JHY: variants seen among roughly 807,000 people sequenced by gnomAD.
JHY encodes the protein jhy protein homolog.
In JHY, 69 loss-of-function variants were observed where a neutral mutation model predicts 78.0. The ratio of observed to expected loss-of-function variants is 0.88; its 90% confidence interval spans 0.73 to 1.08. The LOEUF (loss-of-function observed/expected upper bound fraction) is 1.08, where lower values mean the gene tolerates loss of function less well. JHY is among the 50% of genes least tolerant of loss of function. The probability of loss-of-function intolerance (pLI) is 0.00; values close to 1 mark genes in which losing one functional copy is unlikely to be tolerated. For missense variants in JHY, 944 were observed against 927.8 expected (o/e 1.02, Z -0.23); for synonymous variants, 368 against 342.6 (o/e 1.07, Z -0.82).
chr11:122,884,254 T>C (rs1444264409), intron 1 of JHY, among the ~76,000 whole-genome samples: 3 of 152,184 alleles, frequency 2.0e-5, no homozygotes, highest in Non-Finnish European at 2.9e-5. Context: ...GGTGCTTTCC[T>C]CCAAGGATTT....
chr11:122,922,788 C>T (rs535628627), intron 3 of JHY, among the ~76,000 whole-genome samples: 239 of 119,064 alleles, frequency 2.0e-3, no homozygotes, highest in African/African-American at 6.8e-3. Flanking sequence ...CCAGCCTGGG[C>T]AACAGAGCGA....
At chr11:122,955,378 C>G (rs189142831) in intron 6 of JHY, among the ~76,000 whole-genome samples, 193 of 152,250 alleles carry the variant, frequency 1.3e-3, no homozygotes, top group African/African-American at 4.4e-3. Flanking sequence ...ACTTCAGCCC[C>G]CCAAAGTGCT....
At chr11:122,955,482 A>C (rs2135382891) in intron 6 of JHY, among the ~76,000 whole-genome samples, 1 of 152,308 alleles carries the variant, frequency 6.6e-6, no homozygotes, top group South Asian at 2.1e-4. Flanking sequence ...ATCAGGAGAC[A>C]GATAGGCAGT....
intron 6 of JHY, among the ~76,000 whole-genome samples, chr11:122,950,775 G>A (rs2135377911): frequency 6.6e-6 from 1 of 152,304 alleles, no homozygotes; most frequent in South Asian, 2.1e-4. Context: ...GTAGAGGAAA[G>A]TACTCCGACG....
intron 2 of JHY, among the ~76,000 whole-genome samples, chr11:122,894,238 C>T (rs545804113): frequency 2.6e-5 from 4 of 151,862 alleles, no homozygotes; most frequent in African/African-American, 9.7e-5. Context: ...ACCCAGGAGG[C>T]GGAAGTTGCA....
intron 5 of JHY, among the ~76,000 whole-genome samples, chr11:122,940,894 A>G (rs749783784): frequency 6.7e-6 from 1 of 149,424 alleles, no homozygotes; most frequent in Non-Finnish European, 1.5e-5. Context: ...ATCATTATGG[A>G]CTCATAAATC....
At position 122,898,636 on chromosome 11, in the gene JHY, T is replaced by C. The variant is rs1862784924; in HGVS notation, c.345-5289T>C. Among the ~76,000 whole-genome samples the C allele has an allele frequency of 6.6e-6, 1 of 152,204 alleles. No individual in the cohort carries two copies. Among genetic ancestry groups the C allele is most frequent in the Admixed American group, 6.5e-5 (1 of 15,282 alleles). ...AGGTGGCCAGCCCTGCTCTAAACAGTACAAAGTAGAGGATTACTTGTTCTA... is the reference window on the plus strand; with the variant it reads ...AGGTGGCCAGCCCTGCTCTAAACAGCACAAAGTAGAGGATTACTTGTTCTA... On this transcript the variant is annotated intron_variant, in intron 2 of 8. Transcript: ENST00000227349. The surrounding 1 kb of genome is among the most constrained non-coding windows in gnomAD (Gnocchi z 4.4).
intron 4 of JHY, among the ~76,000 whole-genome samples, chr11:122,932,305 T>C (rs929720385): frequency 6.6e-6 from 1 of 152,192 alleles, no homozygotes; most frequent in African/African-American, 2.4e-5. Context: ...GGCACTTATA[T>C]GTATGTGAAT....
chr11:122,956,447 G>C lies in JHY; in HGVS notation c.1930-49G>C, dbSNP rs762731006. 4.5e-6 allele frequency: 7 copies of C among 1,553,160 alleles called. No individual in the cohort carries two copies. In the African/African-American group the frequency reaches 8.2e-5, roughly 18 times the overall value. On this transcript the variant is annotated intron_variant, in intron 6 of 8. Transcript: ENST00000227349. ...CACCTTACAGGGTGTTAGGAGTCGG[G>C]GGACACACAAGTCCTTAAAAGAAAC...
Position 122,919,329 on chromosome 11 carries a change from G to T in JHY, c.865-5568G>T, listed in dbSNP as rs369423527. On this transcript the variant is annotated intron_variant, in intron 3 of 8. Transcript: ENST00000227349. Reference sequence around the variant, plus strand: ...GATTATGCCACTGCACTCCAGCCTGGGCAACAGAGAGAGACTCTGTCTCAA... The same window carrying T: ...GATTATGCCACTGCACTCCAGCCTGTGCAACAGAGAGAGACTCTGTCTCAA... Among the ~76,000 whole-genome samples the T allele has an allele frequency of 2.4e-3, 345 of 142,940 alleles. 2 individuals carry two copies. Among genetic ancestry groups the T allele is most frequent in the African/African-American group, 8.9e-3 (329 of 36,892 alleles). The allele number at this position is 142,940 out of a possible 152,430, so 93.8% of individuals were successfully genotyped here.
At chr11:122,955,862 G>C (rs1171676608) in intron 6 of JHY, among the ~76,000 whole-genome samples, 3 of 152,170 alleles carry the variant, frequency 2.0e-5, no homozygotes, top group African/African-American at 7.2e-5. Context: ...TCATTGGACA[G>C]GGTATTCTCT....
At chr11:122,934,280 C>A in intron 4 of JHY, 140 bp from the exon 5 acceptor site, 1 of 360,694 alleles carries the variant, frequency 2.8e-6, no homozygotes, top group Non-Finnish European at 4.2e-6. Flanking sequence ...CGTGCCACTG[C>A]ACTCCAGCCT....
chr11:122,956,163 A>T (rs7124436), intron 6 of JHY, among the ~76,000 whole-genome samples: 5,504 of 152,036 alleles, frequency 0.036, 139 homozygotes, highest in Non-Finnish European at 0.052. Context: ...CTCCAAAAAA[A>T]AAAAAATAAA....
At chr11:122,896,851 T>A (rs1317674700) in intron 2 of JHY, among the ~76,000 whole-genome samples, 3 of 146,010 alleles carry the variant, frequency 2.1e-5, no homozygotes, top group African/African-American at 5.6e-5. Context: ...TTAGATGGTT[T>A]GTTTGTTTGT....
intron 6 of JHY, among the ~76,000 whole-genome samples, chr11:122,947,896 G>A (rs1863998946): frequency 6.6e-6 from 1 of 152,090 alleles, no homozygotes; most frequent in Non-Finnish European, 1.5e-5. Flanking sequence ...CGAAGGCAAG[G>A]GACCCAGGCT....
rs2135296631 is a variant in JHY at position 122,898,349 on chromosome 11, AT to A, written c.345-5575del. ...GAATAGCTGCAGGGTACAATGCAAC[AT>A]GATGTGCAGGAGCCCGATCCAGAGC... On this transcript the variant is annotated intron_variant, in intron 2 of 8. Transcript: ENST00000227349. The surrounding 1 kb of genome is among the most constrained non-coding windows in gnomAD (Gnocchi z 4.4). Among the ~76,000 whole-genome samples the A allele has an allele frequency of 6.6e-6, 1 of 152,330 alleles. No homozygotes were observed. The highest frequency in any genetic ancestry group is 2.1e-4 in the South Asian group (1 of 4,828).
intron 2 of JHY, among the ~76,000 whole-genome samples, chr11:122,896,225 T>C (rs1372432592): frequency 6.6e-6 from 1 of 152,076 alleles, no homozygotes; most frequent in Admixed American, 6.6e-5. Context: ...GTGGGTGATA[T>C]TGCTTCTACA....
intron 4 of JHY, among the ~76,000 whole-genome samples, chr11:122,930,467 T>C (rs78392872): frequency 0.035 from 5,354 of 152,268 alleles, 294 homozygotes; most frequent in African/African-American, 0.12. Flanking sequence ...TACATTTACA[T>C]GCTAGAAAGA....
chr11:122,896,222 A>C (rs190148589), intron 2 of JHY, among the ~76,000 whole-genome samples: 39 of 151,228 alleles, frequency 2.6e-4, no homozygotes, highest in African/African-American at 8.7e-4. Context: ...GTAGTGGGTG[A>C]TATTGCTTCT....
Sources: gnomAD v4.1 joint callset for allele counts (sites outside exome capture counted in the v4.1 genomes callset) on GRCh38, gnomAD v4.1.1 for gene constraint, Gnocchi (gnomAD v3.1) non-coding constraint, MANE v1.5 for transcripts, NCBI Gene and HGNC (gene_info 2026-07-23, HGNC 2026-07-21) for gene names.